MAF: variants seen among roughly 807,000 people sequenced by gnomAD.
MAF encodes the protein transcription factor Maf.
MAF carries 10 observed loss-of-function variants against 22.0 expected under a neutral mutation model. The observed-to-expected ratio is 0.45, with a 90% CI of 0.28 to 0.77. MAF has a LOEUF of 0.77. Ranked by LOEUF, MAF falls within the 30% of genes least tolerant of loss-of-function variation. The pLI, the probability that MAF is intolerant of heterozygous loss-of-function variation, is 0.12. For synonymous variants in MAF, 337 were observed against 255.8 expected (o/e 1.32, Z -3.03); for missense variants, 544 against 548.4 (o/e 0.99, Z 0.08).
At chr16:79,500,355 T>C in the MAF span, among the ~76,000 whole-genome samples, 1 of 152,212 alleles carries the variant, frequency 6.6e-6, no homozygotes, top group African/African-American at 2.4e-5. Context: ...CTAGGTGGTA[T>C]GTGCTCTTTG....
At chr16:79,450,622 C>T in the MAF span, among the ~76,000 whole-genome samples, 1 of 152,084 alleles carries the variant, frequency 6.6e-6, no homozygotes, top group Non-Finnish European at 1.5e-5. Flanking sequence ...CAATGCTGTT[C>T]TGTGAGAAAA....
chr16:79,579,049 A>C, the MAF span, among the ~76,000 whole-genome samples: 1 of 152,166 alleles, frequency 6.6e-6, no homozygotes, highest in Non-Finnish European at 1.5e-5. Flanking sequence ...ACTGACAAGC[A>C]CTTCACATAA....
the MAF span, among the ~76,000 whole-genome samples, chr16:79,439,250 GTACT>G: frequency 1.3e-5 from 2 of 149,428 alleles, no homozygotes; most frequent in Non-Finnish European, 3.0e-5. Flanking sequence ...TATGGGGTAG[GTACT>G]TACTTTTTTT....
chr16:79,495,495 C>G, the MAF span, among the ~76,000 whole-genome samples: 3 of 152,088 alleles, frequency 2.0e-5, no homozygotes, highest in African/African-American at 7.2e-5. Context: ...TTCTATCACT[C>G]AGGAAATTCT....
chr16:79,475,333 G>GAT, the MAF span, among the ~76,000 whole-genome samples: 2 of 144,794 alleles, frequency 1.4e-5, no homozygotes, highest in African/African-American at 5.0e-5. Flanking sequence ...TATATATATG[G>GAT]AGATATATAT....
chr16:79,445,853 T>C, the MAF span, among the ~76,000 whole-genome samples: 10 of 152,344 alleles, frequency 6.6e-5, 1 homozygote, highest in South Asian at 1.9e-3. Flanking sequence ...TCAAACCAGC[T>C]TTTAGCCTGA....
the MAF span, among the ~76,000 whole-genome samples, chr16:79,305,668 C>A: frequency 1.3e-5 from 2 of 152,148 alleles, no homozygotes; most frequent in Non-Finnish European, 2.9e-5. Flanking sequence ...GATAAGACAT[C>A]GCTTTGAACC....
the MAF span, among the ~76,000 whole-genome samples, chr16:79,370,589 T>A: frequency 6.6e-6 from 1 of 152,220 alleles, no homozygotes; most frequent in Admixed American, 6.5e-5. Context: ...AGAAAAGCAG[T>A]GCCACCTCTG....
chr16:79,418,353 C>T, the MAF span, among the ~76,000 whole-genome samples: 4 of 152,164 alleles, frequency 2.6e-5, no homozygotes, highest in Non-Finnish European at 5.9e-5. Flanking sequence ...AAAAGAGCCC[C>T]TGTTCAGCCA....
the MAF span, among the ~76,000 whole-genome samples, chr16:79,390,917 G>C: frequency 6.6e-6 from 1 of 152,184 alleles, no homozygotes; most frequent in Non-Finnish European, 1.5e-5. Context: ...CTTTCCCTGA[G>C]ATGCTTATCA....
the MAF span, among the ~76,000 whole-genome samples, chr16:79,348,576 G>A: frequency 6.6e-6 from 1 of 152,198 alleles, no homozygotes; most frequent in African/African-American, 2.4e-5. Context: ...GAGGAAAAAG[G>A]TAACTGAGAA....
chr16:79,296,937 T>G, the MAF span, among the ~76,000 whole-genome samples: 1 of 152,356 alleles, frequency 6.6e-6, no homozygotes. Context: ...AAAACTTTGC[T>G]TTTTGGAAAA....
At chr16:79,580,527 G>T in the MAF span, among the ~76,000 whole-genome samples, 1 of 152,166 alleles carries the variant, frequency 6.6e-6, no homozygotes, top group South Asian at 2.1e-4. Context: ...TGCAGAGACA[G>T]TACCTCGGGG....
At chr16:79,377,500 T>C in the MAF span, among the ~76,000 whole-genome samples, 2 of 152,258 alleles carry the variant, frequency 1.3e-5, no homozygotes, top group Non-Finnish European at 2.9e-5. Flanking sequence ...TGATGGTAGT[T>C]TCTTTTGCTG....
chr16:79,214,787 A>G, the MAF span, among the ~76,000 whole-genome samples: 5,705 of 119,890 alleles, frequency 0.048, 274 homozygotes, highest in African/African-American at 0.064. Flanking sequence ...ATTTTGGCTC[A>G]CTGCAACCTC....
chr16:79,228,697 T>C, the MAF span, among the ~76,000 whole-genome samples: 3 of 152,078 alleles, frequency 2.0e-5, no homozygotes, highest in African/African-American at 7.2e-5. Flanking sequence ...ATATTTGTTA[T>C]GGTTGAAAAT....
the MAF span, among the ~76,000 whole-genome samples, chr16:79,480,701 C>T: frequency 9.2e-5 from 14 of 152,054 alleles, no homozygotes; most frequent in Non-Finnish European, 1.8e-4. Context: ...ACAGGGATGG[C>T]CTGGAGGTGT....
At chr16:79,401,251 A>G in the MAF span, among the ~76,000 whole-genome samples, 4 of 151,978 alleles carry the variant, frequency 2.6e-5, no homozygotes, top group African/African-American at 9.7e-5. Context: ...TCCCCAAACT[A>G]CCTGTGGTGG....
At chr16:79,349,480 T>C in the MAF span, among the ~76,000 whole-genome samples, 22 of 152,336 alleles carry the variant, frequency 1.4e-4, no homozygotes, top group Non-Finnish European at 2.5e-4. Context: ...AATGAGGTCA[T>C]TGCCAATTTC....
Sources: allele counts gnomAD v4.1 joint callset (sites outside exome capture counted in the v4.1 genomes callset), GRCh38; gene constraint gnomAD v4.1.1; transcripts MANE v1.5; gene names NCBI Gene and HGNC (gene_info 2026-07-23, HGNC 2026-07-21).